Variants in AFF3 observed in about 807,000 individuals in gnomAD.
AFF3 encodes the protein AF4/FMR2 family member 3.
AFF3 carries 32 observed loss-of-function variants against 129.7 expected under a neutral mutation model. The ratio of observed to expected loss-of-function variants is 0.25; its 90% CI spans 0.19 to 0.33. The LOEUF is 0.33. Among genes scored for constraint, AFF3 ranks in the 10% least tolerant of loss-of-function variants. The pLI is 1.00. For synonymous variants in AFF3, 644 were observed against 635.4 expected (o/e 1.01, Z -0.20); for missense variants, 1,373 against 1,592.0 (o/e 0.86, Z 2.34).
intron 17 of AFF3, among the ~76,000 whole-genome samples, chr2:99,579,328 C>T (rs187321870): frequency 0.011 from 1,600 of 151,522 alleles, 16 homozygotes; most frequent in Middle Eastern, 0.027. Context: ...TCGCTTGAAA[C>T]CTGGAGGCAG....
intron 12 of AFF3, 106 bp from the exon 13 acceptor site, chr2:99,649,772 CA>C: frequency 7.8e-7 from 1 of 1,275,838 alleles, no homozygotes; most frequent in Admixed American, 2.0e-5. Context: ...ACATTTTTGC[CA>C]TGTGGCCAAA....
intron 10 of AFF3, among the ~76,000 whole-genome samples, chr2:99,735,800 T>C (rs1302257995): frequency 2.0e-5 from 3 of 152,210 alleles, no homozygotes; most frequent in Non-Finnish European, 4.4e-5. Flanking sequence ...GCTTCTAGTA[T>C]GAGTATTTCA....
chr2:99,707,560 C>G (rs776714691), intron 11 of AFF3: 2 of 948,208 alleles, frequency 2.1e-6, no homozygotes, highest in South Asian at 5.1e-5. Context: ...CAAAGTATCT[C>G]GCTGAAAAAA....
intron 7 of AFF3, among the ~76,000 whole-genome samples, chr2:99,913,574 A>G (rs1695251905): frequency 1.3e-5 from 2 of 152,220 alleles, no homozygotes; most frequent in African/African-American, 2.4e-5. Context: ...CCTAGAACAC[A>G]CAACACTTAA....
At chr2:99,660,695 C>G (rs1686153522) in intron 12 of AFF3, among the ~76,000 whole-genome samples, 1 of 152,240 alleles carries the variant, frequency 6.6e-6, no homozygotes, top group Non-Finnish European at 1.5e-5. Flanking sequence ...AATCAGATCT[C>G]TCTACTGGAA....
chr2:99,959,339 CAAAAAAAAAAAA>C lies in AFF3; in HGVS notation c.873+47281_873+47292del, dbSNP rs34083581. 6.3e-3 allele frequency among the ~76,000 whole-genome samples: 422 copies of C among 66,966 alleles called. 1 individual carries two copies. The highest frequency in any genetic ancestry group is 9.3e-3 in the Admixed American group (48 of 5,186). The allele number at this position is 66,966 out of a possible 152,430, so 43.9% of individuals were successfully genotyped here. A position where few individuals can be genotyped will look rare whatever the true frequency, so the allele number is the denominator to read the frequency against. Reference sequence around the variant, plus strand: ...CGTATTTTTTGTAGCAAGAGTCTGCCAAAAAAAAAAAAAAAAAAAAAAGAACATTATCAAGAA... The same window carrying C: ...CGTATTTTTTGTAGCAAGAGTCTGCCAAAAAAAAAAGAACATTATCAAGAA... On this transcript the variant is annotated intron_variant, in intron 7 of 24. Coordinates refer to ENST00000672756, the MANE Select transcript of AFF3 (RefSeq NM_001386135.1).
chr2:99,898,478 A>T (rs1694129333), intron 7 of AFF3, among the ~76,000 whole-genome samples: 1 of 152,172 alleles, frequency 6.6e-6, no homozygotes, highest in Non-Finnish European at 1.5e-5. Flanking sequence ...ATCGCCTAGG[A>T]GAAGCTGTGG....
At chr2:99,601,405 G>C in intron 14 of AFF3, 30 bp downstream of exon 14, 1 of 1,560,872 alleles carries the variant, frequency 6.4e-7, no homozygotes, top group Non-Finnish European at 8.7e-7. Flanking sequence ...GAAGTGGGCA[G>C]AGGAGAGGCC....
At chr2:100,006,400 T>G in intron 7 of AFF3, 1 of 494,958 alleles carries the variant, frequency 2.0e-6, no homozygotes. Context: ...AACTAATACA[T>G]ACACACACAA....
At chr2:99,860,561 A>AAAAAACT (rs1690907614) in intron 7 of AFF3, among the ~76,000 whole-genome samples, 1 of 151,576 alleles carries the variant, frequency 6.6e-6, no homozygotes. Context: ...CTCAAAAAAC[A>AAAAAACT]AAAAACAAAC....
intron 8 of AFF3, among the ~76,000 whole-genome samples, chr2:99,810,864 G>A (rs1368187763): frequency 1.3e-5 from 2 of 152,274 alleles, no homozygotes; most frequent in Middle Eastern, 3.4e-3. Context: ...TCTTTGGTTT[G>A]TGGCCCCTTT....
chr2:99,786,271 G>A (rs765742904), intron 8 of AFF3, among the ~76,000 whole-genome samples: 6 of 152,172 alleles, frequency 3.9e-5, no homozygotes, highest in Non-Finnish European at 5.9e-5. Context: ...GGGGACTGGA[G>A]ATTGATAACG....
chr2:99,946,230 T>C (rs571647967), intron 7 of AFF3, among the ~76,000 whole-genome samples: 1 of 151,970 alleles, frequency 6.6e-6, no homozygotes, highest in South Asian at 2.1e-4. Context: ...CCCAGCACTT[T>C]GGGAGGCTGA....
At chr2:99,808,244 A>G (rs574441927) in intron 8 of AFF3, among the ~76,000 whole-genome samples, 2 of 152,332 alleles carry the variant, frequency 1.3e-5, no homozygotes, top group Admixed American at 6.5e-5. Context: ...ATGTAACACA[A>G]TGGCAGGAAA....
At chr2:99,965,971 G>A (rs1024905186) in intron 7 of AFF3, among the ~76,000 whole-genome samples, 2 of 152,210 alleles carry the variant, frequency 1.3e-5, no homozygotes, top group Non-Finnish European at 2.9e-5. Context: ...CTATACATGA[G>A]ATTTTTATTT....
intron 13 of AFF3, among the ~76,000 whole-genome samples, chr2:99,632,475 C>T (rs1230799903): frequency 6.6e-6 from 1 of 152,122 alleles, no homozygotes; most frequent in African/African-American, 2.4e-5. Flanking sequence ...GGCATGGGCG[C>T]AAGCTGGGGT....
intron 8 of AFF3, among the ~76,000 whole-genome samples, chr2:99,788,305 T>C (rs1468419518): frequency 1.3e-5 from 2 of 152,128 alleles, no homozygotes; most frequent in East Asian, 3.9e-4. Context: ...AAGAAGGCAC[T>C]GCTATCAGAG....
intron 17 of AFF3, among the ~76,000 whole-genome samples, chr2:99,579,740 G>T (rs967934427): frequency 1.0e-4 from 13 of 127,864 alleles, no homozygotes; most frequent in African/African-American, 5.4e-4. Flanking sequence ...ATACATATGT[G>T]TGTGTGTATA....
chr2:99,930,783 A>G (rs1219740878), intron 7 of AFF3, among the ~76,000 whole-genome samples: 1 of 152,266 alleles, frequency 6.6e-6, no homozygotes, highest in African/African-American at 2.4e-5. Flanking sequence ...ACTGGGACCC[A>G]GAGAGCTAGT....
Sources: gnomAD v4.1 joint callset for allele counts (sites outside exome capture counted in the v4.1 genomes callset) on GRCh38, gnomAD v4.1.1 for gene constraint, MANE v1.5 for transcripts, NCBI Gene and HGNC (gene_info 2026-07-23, HGNC 2026-07-21) for gene names.